CARD14: variants seen among roughly 807,000 people sequenced by gnomAD.
The protein encoded by CARD14 is caspase recruitment domain family member 14.
A neutral mutation model predicts 111.5 loss-of-function variants in CARD14; 107 were observed. That is an observed-to-expected ratio of 0.96 (90% CI 0.82 to 1.13). The LOEUF is 1.13. Among genes scored for constraint, CARD14 ranks in the 50% most tolerant of loss-of-function variants. CARD14 has a pLI of 0.00. For synonymous variants in CARD14, 617 were observed against 579.6 expected, an observed-to-expected ratio of 1.06 and a Z score of -0.93; for missense variants, 1,322 against 1,362.3, an observed-to-expected ratio of 0.97 and a Z score of 0.47.
chr17:80,185,018 AT>A (rs1176516038), intron 7 of CARD14, among the ~76,000 whole-genome samples: 1 of 152,086 alleles, frequency 6.6e-6, no homozygotes, highest in East Asian at 1.9e-4. Flanking sequence ...ACTCCTTGTC[AT>A]TTTGGCATTT....
chr17:80,200,944 G>A (rs2040942007), intron 16 of CARD14: 1 of 152,450 alleles, frequency 6.6e-6, no homozygotes, highest in Non-Finnish European at 1.5e-5. Context: ...AGGAGGTGGA[G>A]CTGAGGCCGT....
intron 18 of CARD14, chr17:80,202,780 T>C (rs9904453): frequency 0.51 from 148,710 of 292,228 alleles, 38,936 homozygotes; most frequent in Non-Finnish European, 0.54. Flanking sequence ...ATGCCGGGAC[T>C]ACTCCCATGC....
chr17:80,174,969 T>TTTTC (rs1048466665), intron 2 of CARD14, among the ~76,000 whole-genome samples: 2 of 152,092 alleles, frequency 1.3e-5, no homozygotes, highest in African/African-American at 2.4e-5. Flanking sequence ...CATTTTTCTT[T>TTTTC]TTTCTTTCTT....
chr17:80,207,137 C>T, intron 23 of CARD14, 52 bp downstream of exon 23: 1 of 1,342,860 alleles, frequency 7.4e-7, no homozygotes. Context: ...TCCTGGGCTC[C>T]CCCAAAGCCC....
chr17:80,177,131 C>T (rs1371486877), intron 2 of CARD14, among the ~76,000 whole-genome samples: 5 of 152,236 alleles, frequency 3.3e-5, no homozygotes, highest in Non-Finnish European at 7.3e-5. Flanking sequence ...TCTAGTGTTG[C>T]CACCGACCCT....
intron 10 of CARD14, 50 bp downstream of exon 10, chr17:80,190,949 G>T (rs1348416422): frequency 1.9e-6 from 3 of 1,595,456 alleles, no homozygotes; most frequent in Non-Finnish European, 2.6e-6. Flanking sequence ...GCTTCCCCAG[G>T]TGAGGGCTGG....
rs992772065 is a variant in CARD14, at chr17:80,196,456, G to A, written c.1594+804G>A. On this transcript the variant is annotated intron_variant, in intron 14 of 23. Transcript: ENST00000648509. ...TTATTCCTCTTTATTTTTCCTCTGT[G>A]AGGATTCTGCGTAATGCCCTGGTTG... The A allele has an allele frequency of 2.0e-5, 3 of 152,336 alleles. 1 individual carries two copies. Among genetic ancestry groups the A allele is most frequent in the Admixed American group, 2.0e-4 (3 of 15,306 alleles). 9.4% of individuals were successfully genotyped at this position (152,336 alleles called of 1,614,324 possible).
At position 80,205,184 on chromosome 17, in the gene CARD14, G is replaced by T; in HGVS notation, c.2548G>T (p.Gly850Trp). 6.2e-7 allele frequency: 1 copy of T among 1,613,366 alleles called. No individual in the cohort carries two copies. The highest frequency in any genetic ancestry group is 1.1e-5 in the South Asian group (1 of 91,022). ...GAGCGAGAAACTGTGCCTCCTCCAAGGGTTTAAGAAGTGCCTGGCAGGTAT... is the reference window on the plus strand; with the variant it reads ...GAGCGAGAAACTGTGCCTCCTCCAATGGTTTAAGAAGTGCCTGGCAGGTAT... ...ILSEKLCLLQ[G>W]FKKCLAEYLS... is the part of the protein sequence containing the mutation. Residue 850 changes from glycine (G) to tryptophan (W), a missense_variant, in exon 21 of 24, where the codon GGG (glycine) becomes TGG (tryptophan). Coordinates refer to ENST00000648509, the MANE Select transcript of CARD14 (RefSeq NM_001366385.1).
intron 7 of CARD14, among the ~76,000 whole-genome samples, chr17:80,185,741 C>G (rs2040323667): frequency 6.6e-6 from 1 of 152,232 alleles, no homozygotes; most frequent in African/African-American, 2.4e-5. Context: ...CAGCCCACAG[C>G]CTTTCTTTGT....
intron 23 of CARD14, 21 bp from the exon 24 acceptor site, chr17:80,208,117 C>A (rs772367503): frequency 2.0e-6 from 3 of 1,501,068 alleles, no homozygotes; most frequent in Non-Finnish European, 2.7e-6. Context: ...AGCCCGCCCC[C>A]CCCAACTCTG....
At chr17:80,196,999 C>G (rs1442388055) in intron 14 of CARD14, 1 of 152,478 alleles carries the variant, frequency 6.6e-6, no homozygotes, top group East Asian at 1.9e-4. Context: ...GAGATCGAGA[C>G]CATCTTGGCC....
intron 22 of CARD14, among the ~76,000 whole-genome samples, chr17:80,206,439 C>T (rs2041312158): frequency 6.6e-6 from 1 of 152,292 alleles, no homozygotes; most frequent in East Asian, 1.9e-4. Context: ...CACAGTGAGA[C>T]ACCCGTCTCT....
At position 80,189,708 on chromosome 17, in the gene CARD14, C is replaced by G; in HGVS notation, c.844-45C>G. 6.7e-7 allele frequency: 1 copy of G among 1,502,016 alleles called. No homozygotes were observed. 93.0% of individuals were successfully genotyped at this position (1,502,016 alleles called of 1,614,324 possible). A position where few individuals can be genotyped will look rare whatever the true frequency, so the allele number is the denominator to read the frequency against. ...CGGGATTCTGCTTGCCTAGGGCAGG[C>G]CTCTGGGGAAGCCAGCACCCCAGGC... On this transcript the variant is annotated intron_variant, in intron 8 of 23. Transcript: ENST00000648509. This position sits in a 1 kb window ranked among gnomAD's most constrained non-coding sequence, Gnocchi z 4.7.
chr17:80,187,867 A>G (rs761523659), intron 7 of CARD14: 4 of 985,506 alleles, frequency 4.1e-6, no homozygotes, highest in Non-Finnish European at 4.8e-6. Flanking sequence ...CTGCACACAG[A>G]CTGCAAGTCA....
intron 9 of CARD14, 141 bp from the exon 10 acceptor site, chr17:80,190,633 A>AGT: frequency 1.3e-6 from 1 of 797,308 alleles, no homozygotes; most frequent in Non-Finnish European, 1.8e-6. Flanking sequence ...AAAAAAAGAG[A>AGT]GAGAGAGACG....
In CARD14 at chr17:80,181,648, C is replaced by T. The variant is rs577286599; in HGVS notation, c.210C>T (p.Ala70=). The T allele has an allele frequency of 2.1e-5, 33 of 1,544,782 alleles. No individual in the cohort carries two copies. Among genetic ancestry groups the T allele is most frequent in the African/African-American group, 1.1e-4 (8 of 73,126 alleles). The change falls in exon 5 of 24, where the codon GCC becomes GCT. Residue 70 remains alanine (A), a splice_region_variant and synonymous_variant. Transcript: ENST00000648509. ...GGCTCACCAACAGCGCCATGCGGGC[C>T]GGTGAGCGCAGCTCCCTCTTCCCCA... is the stretch of plus-strand genomic sequence containing the variant. ...SPRLTNSAMR[A]GHLLDLLKTR...
intron 12 of CARD14, among the ~76,000 whole-genome samples, chr17:80,194,232 T>C (rs544740548): frequency 6.6e-6 from 1 of 152,168 alleles, no homozygotes; most frequent in South Asian, 2.1e-4. Flanking sequence ...CCTGCCCATG[T>C]CGCCCACAGC....
At position 80,195,153 on chromosome 17, in the gene CARD14, C is replaced by T. The variant is rs201580571; in HGVS notation, c.1357-38C>T. 366 of 1,565,520 alleles carry T rather than the reference C, an allele frequency of 2.3e-4. 2 individuals are homozygous for T. The highest frequency in any genetic ancestry group is 1.4e-4 in the South Asian group (12 of 86,078). ...CAAGGGAGGAGTCTCAGGGTGTCCTCGTGCGTGCCCCACTGACTTCTGCCC... is the reference window on the plus strand; with the variant it reads ...CAAGGGAGGAGTCTCAGGGTGTCCTTGTGCGTGCCCCACTGACTTCTGCCC... On this transcript the variant is annotated intron_variant, in intron 12 of 23. Transcript: ENST00000648509. This position sits in a 1 kb window ranked among gnomAD's most constrained non-coding sequence, Gnocchi z 4.7.
intron 2 of CARD14, among the ~76,000 whole-genome samples, chr17:80,177,588 A>G (rs1373767137): frequency 6.6e-6 from 1 of 152,182 alleles, no homozygotes; most frequent in East Asian, 1.9e-4. Flanking sequence ...CCAGATACTC[A>G]GAAGGCTGAG....
Sources: allele counts gnomAD v4.1 joint callset (sites outside exome capture counted in the v4.1 genomes callset), GRCh38; gene constraint gnomAD v4.1.1; non-coding constraint Gnocchi (gnomAD v3.1); transcripts MANE v1.5; gene names NCBI Gene and HGNC (gene_info 2026-07-23, HGNC 2026-07-21).